The following SORCS1 variants were observed in gnomAD, a reference collection of about 807,000 sequenced individuals.
SORCS1 encodes the protein sortilin related VPS10 domain containing receptor 1.
Under a neutral mutation model 146.1 loss-of-function variants are expected in SORCS1, and 60 were observed. That is an observed-to-expected ratio of 0.41 (90% CI 0.33 to 0.51). The LOEUF is 0.51. SORCS1 is among the 20% of genes least tolerant of loss of function. The pLI, the probability that SORCS1 is intolerant of heterozygous loss-of-function variation, is 0.21. For synonymous variants in SORCS1, 637 were observed against 584.0 expected (o/e 1.09, Z -1.31); for missense variants, 1,352 against 1,487.6 (o/e 0.91, Z 1.50).
chr10:107,117,534 T>C (rs1347576852), intron 1 of SORCS1, among the ~76,000 whole-genome samples: 1 of 151,820 alleles, frequency 6.6e-6, no homozygotes, highest in Admixed American at 6.6e-5. Flanking sequence ...CCCTGCAGAG[T>C]AGAGTTTCAA....
intron 3 of SORCS1, among the ~76,000 whole-genome samples, chr10:106,798,380 C>T (rs1946688319): frequency 6.6e-6 from 1 of 152,010 alleles, no homozygotes; most frequent in Non-Finnish European, 1.5e-5. Flanking sequence ...TGTTGGTGTG[C>T]TGCACCTATT....
At chr10:106,754,047 G>A (rs1436298752) in intron 5 of SORCS1, among the ~76,000 whole-genome samples, 8 of 152,236 alleles carry the variant, frequency 5.3e-5, no homozygotes, top group Middle Eastern at 3.4e-3. Flanking sequence ...TGATGCCTTC[G>A]CATTATCTTC....
chr10:107,121,998 A>G (rs1393227525), intron 1 of SORCS1, among the ~76,000 whole-genome samples: 1 of 152,198 alleles, frequency 6.6e-6, no homozygotes, highest in Non-Finnish European at 1.5e-5. Context: ...AGTTTGGTGG[A>G]CAGGGAGTGT....
chr10:106,724,402 G>A (rs988308730), intron 6 of SORCS1, among the ~76,000 whole-genome samples: 2 of 151,880 alleles, frequency 1.3e-5, no homozygotes, highest in African/African-American at 4.8e-5. Context: ...AGCTACTCAG[G>A]AGGCTGAGGC....
At chr10:107,152,103 C>T (rs1968854851) in intron 1 of SORCS1, among the ~76,000 whole-genome samples, 1 of 152,144 alleles carries the variant, frequency 6.6e-6, no homozygotes, top group African/African-American at 2.4e-5. Context: ...TAAAAGAGGC[C>T]AATGTACAGC....
intron 6 of SORCS1, among the ~76,000 whole-genome samples, chr10:106,722,600 G>A (rs1333323077): frequency 6.6e-6 from 1 of 152,158 alleles, no homozygotes. Context: ...ATTAGTCCTT[G>A]GGAAACTTGT....
intron 1 of SORCS1, among the ~76,000 whole-genome samples, chr10:107,147,010 A>G (rs1030540678): frequency 6.6e-6 from 1 of 152,144 alleles, no homozygotes; most frequent in Admixed American, 6.6e-5. Flanking sequence ...AGTTATTATT[A>G]TATTAACTAT....
chr10:106,950,477 T>C (rs1326253036), intron 2 of SORCS1, among the ~76,000 whole-genome samples: 2 of 152,184 alleles, frequency 1.3e-5, no homozygotes, highest in South Asian at 2.1e-4. Context: ...TATCTACTTG[T>C]TGGACAAGAA....
At chr10:106,589,748 C>T (rs1249540565) in intron 24 of SORCS1, among the ~76,000 whole-genome samples, 1 of 149,224 alleles carries the variant, frequency 6.7e-6, no homozygotes, top group African/African-American at 2.5e-5. Context: ...TCCATCTCGA[C>T]TAAACAAATT....
At chr10:106,879,280 C>G (rs1387898280) in intron 2 of SORCS1, among the ~76,000 whole-genome samples, 2 of 152,212 alleles carry the variant, frequency 1.3e-5, no homozygotes, top group Admixed American at 1.3e-4. Context: ...TATCAGTCTT[C>G]ACAGCTCTTC....
rs1208542134 is a variant in SORCS1 at position 107,154,013 on chromosome 10, T to C, written c.558+9956A>G. Reference sequence around the variant, plus strand: ...CAGTATATTTCTTTTCTTTTCTTTTTTTTTTTTTTTTTTTTTGAGATGGAG... The same window carrying C: ...CAGTATATTTCTTTTCTTTTCTTTTCTTTTTTTTTTTTTTTTGAGATGGAG... On this transcript the variant is annotated intron_variant, in intron 1 of 25. Transcript: ENST00000263054. Among the ~76,000 whole-genome samples the C allele has an allele frequency of 9.4e-4, 130 of 138,836 alleles. 1 individual carries two copies. Among genetic ancestry groups the C allele is most frequent in the African/African-American group, 3.0e-3 (111 of 37,492 alleles). The allele number at this position is 138,836 out of a possible 152,430, so 91.1% of individuals were successfully genotyped here.
At chr10:106,643,520 T>G (rs11192987) in intron 18 of SORCS1, among the ~76,000 whole-genome samples, 1 of 152,246 alleles carries the variant, frequency 6.6e-6, no homozygotes, top group Non-Finnish European at 1.5e-5. Context: ...CAGGGCCTCC[T>G]GATATAAAGA....
chr10:106,783,398 CTG>C (rs1415102511), intron 3 of SORCS1, among the ~76,000 whole-genome samples: 1 of 152,180 alleles, frequency 6.6e-6, no homozygotes, highest in Non-Finnish European at 1.5e-5. Flanking sequence ...ATAAGATTAT[CTG>C]TGCAAAAGCA....
At chr10:107,123,655 A>T (rs1041477617) in intron 1 of SORCS1, among the ~76,000 whole-genome samples, 1 of 152,212 alleles carries the variant, frequency 6.6e-6, no homozygotes, top group Non-Finnish European at 1.5e-5. Context: ...CCTACAGGAT[A>T]CAGCTTAGTG....
intron 3 of SORCS1, among the ~76,000 whole-genome samples, chr10:106,781,401 G>T (rs972131492): frequency 1.3e-5 from 2 of 152,128 alleles, no homozygotes; most frequent in Non-Finnish European, 2.9e-5. Context: ...TCAAGCAGAG[G>T]TAATGGGCTG....
chr10:106,953,006 A>C (rs114689753), intron 2 of SORCS1, among the ~76,000 whole-genome samples: 3,935 of 151,950 alleles, frequency 0.026, 128 homozygotes, highest in African/African-American at 0.078. Flanking sequence ...ACTACTAATA[A>C]TAATAATAAT....
intron 1 of SORCS1, among the ~76,000 whole-genome samples, chr10:107,083,110 CA>C (rs538577059): frequency 0.24 from 14,360 of 60,702 alleles, 483 homozygotes; most frequent in South Asian, 0.27. Flanking sequence ...CTCCAACTCA[CA>C]AAAAAAAAAA....
intron 6 of SORCS1, among the ~76,000 whole-genome samples, chr10:106,710,674 C>T (rs1177901497): frequency 6.6e-6 from 1 of 152,074 alleles, no homozygotes; most frequent in African/African-American, 2.4e-5. Context: ...ATGTTACTCC[C>T]TTACTTAAAA....
At chr10:106,875,733 A>G (rs1950568109) in intron 2 of SORCS1, among the ~76,000 whole-genome samples, 2 of 152,162 alleles carry the variant, frequency 1.3e-5, no homozygotes, top group South Asian at 4.1e-4. Context: ...TTTCATGTTT[A>G]TTAGCTATTT....
Sources: gnomAD v4.1 joint callset for allele counts (sites outside exome capture counted in the v4.1 genomes callset) on GRCh38, gnomAD v4.1.1 for gene constraint, MANE v1.5 for transcripts, NCBI Gene and HGNC (gene_info 2026-07-23, HGNC 2026-07-21) for gene names.